ATF7IP2: variants seen among roughly 807,000 people sequenced by gnomAD.
The protein encoded by ATF7IP2 is activating transcription factor 7 interacting protein 2, also known as activating transcription factor 7-interacting protein 2.
In ATF7IP2, 42 loss-of-function variants were observed where a neutral mutation model predicts 64.2. The observed-to-expected ratio is 0.65, with a 90% CI of 0.51 to 0.85. The LOEUF is 0.85. ATF7IP2 is among the 40% of genes least tolerant of loss of function. ATF7IP2 has a pLI of 0.00. For synonymous variants in ATF7IP2, 308 were observed against 272.8 expected (o/e 1.13, Z -1.27); for missense variants, 933 against 784.2 (o/e 1.19, Z -2.27).
At chr16:10,471,955 T>G (rs1567174887) in intron 9 of ATF7IP2, 155 bp from the exon 10 acceptor site, 2 of 439,770 alleles carry the variant, frequency 4.5e-6, no homozygotes, top group Non-Finnish European at 8.1e-6. Flanking sequence ...GGAGTTTTTT[T>G]GGGTATTTGG....
intron 9 of ATF7IP2, among the ~76,000 whole-genome samples, chr16:10,467,912 T>C (rs377242343): frequency 6.8e-6 from 1 of 147,070 alleles, no homozygotes; most frequent in South Asian, 2.2e-4. Context: ...AGAGTTTTGC[T>C]CTTGTTGTCC....
At chr16:10,468,322 C>T (rs16957343) in intron 9 of ATF7IP2, among the ~76,000 whole-genome samples, 1 of 152,022 alleles carries the variant, frequency 6.6e-6, no homozygotes, top group Non-Finnish European at 1.5e-5. Flanking sequence ...GCATGGAAAA[C>T]TGTTGAGCAT....
At chr16:10,432,060 A>G (rs1361882231) in intron 5 of ATF7IP2, among the ~76,000 whole-genome samples, 1 of 145,926 alleles carries the variant, frequency 6.9e-6, no homozygotes, top group East Asian at 2.0e-4. Flanking sequence ...GCTGGTCTCG[A>G]ACTCCTGACC....
chr16:10,426,967 C>T (rs1282840981), intron 3 of ATF7IP2, among the ~76,000 whole-genome samples: 1 of 151,882 alleles, frequency 6.6e-6, no homozygotes, highest in Non-Finnish European at 1.5e-5. Context: ...ATTCTCTTAC[C>T]TTGTCCTCCC....
At chr16:10,458,479 A>C (rs1013304303) in intron 9 of ATF7IP2, among the ~76,000 whole-genome samples, 3 of 152,244 alleles carry the variant, frequency 2.0e-5, no homozygotes, top group African/African-American at 7.2e-5. Flanking sequence ...ATATGAACAA[A>C]TCTATCTCAT....
In ATF7IP2 at chr16:10,480,937, A is replaced by G; in HGVS notation, c.1608A>G (p.Thr536=). The G allele has an allele frequency of 6.2e-7, 1 of 1,612,428 alleles. No individual in the cohort carries two copies. The highest frequency in any genetic ancestry group is 8.5e-7 in the Non-Finnish European group (1 of 1,178,494). The part of the protein sequence containing the change: ...HSKAASNSKE[T]TPLAQNAVQV... ...AAGCTGCTTCAAACTCAAAGGAAAC[A>G]ACCCCATTGGCACAAAATGCAGTCC... Residue 536 remains threonine, a synonymous_variant, in exon 13 of 14, where the codon ACA becomes ACG. Transcript: ENST00000562102.
At chr16:10,392,777 C>G (rs1332395292) in intron 1 of ATF7IP2, among the ~76,000 whole-genome samples, 1 of 150,802 alleles carries the variant, frequency 6.6e-6, no homozygotes, top group East Asian at 2.0e-4. Context: ...TTTCTTGAGC[C>G]CAAGAGTTGA....
At chr16:10,463,950 T>C (rs2142035773) in intron 9 of ATF7IP2, among the ~76,000 whole-genome samples, 1 of 152,276 alleles carries the variant, frequency 6.6e-6, no homozygotes, top group African/African-American at 2.4e-5. Context: ...AGTTCTTGGC[T>C]CCTCAATACC....
chr16:10,481,278 T>C (rs565734037), intron 13 of ATF7IP2, among the ~76,000 whole-genome samples: 20 of 152,328 alleles, frequency 1.3e-4, no homozygotes, highest in Non-Finnish European at 2.6e-4. Context: ...TTGCCCAGGC[T>C]ATAGTGCGGT....
At chr16:10,480,293 A>G (rs2142110607) in intron 12 of ATF7IP2, among the ~76,000 whole-genome samples, 2 of 151,918 alleles carry the variant, frequency 1.3e-5, no homozygotes, top group Middle Eastern at 6.8e-3. Flanking sequence ...GTTGTTTTCA[A>G]TCCATTCTTT....
intron 1 of ATF7IP2, among the ~76,000 whole-genome samples, chr16:10,411,723 T>G (rs1407916880): frequency 2.0e-5 from 3 of 152,132 alleles, no homozygotes; most frequent in African/African-American, 7.2e-5. Flanking sequence ...TATTGGTCTT[T>G]CAGGGTATCT....
At chr16:10,404,339 G>A (rs1050924824) in intron 1 of ATF7IP2, among the ~76,000 whole-genome samples, 18 of 152,048 alleles carry the variant, frequency 1.2e-4, no homozygotes, top group African/African-American at 3.9e-4. Context: ...TGCACCTTCC[G>A]CCTCCCAGGT....
Position 10,439,829 on chromosome 16 carries a change from C to T in ATF7IP2, c.1096-535C>T, listed in dbSNP as rs550170111. ...AATTACAGGCGTGAGCCACTGCGCC[C>T]GGCCGAAGTTTGAGATTTTTATCTT... is the stretch of plus-strand genomic sequence containing the variant. On this transcript the variant is annotated intron_variant, in intron 7 of 13. Coordinates refer to ENST00000562102, the MANE Select transcript of ATF7IP2 (RefSeq NM_001393719.1). Among the ~76,000 whole-genome samples, 160 of 151,690 alleles carry T rather than the reference C, an allele frequency of 1.1e-3. 1 individual carries two copies. Among genetic ancestry groups the T allele is most frequent in the African/African-American group, 3.7e-3 (154 of 41,456 alleles).
At chr16:10,423,825 C>A (rs2048032822) in intron 3 of ATF7IP2, among the ~76,000 whole-genome samples, 1 of 152,144 alleles carries the variant, frequency 6.6e-6, no homozygotes, top group Admixed American at 6.5e-5. Context: ...CCCATTGTTA[C>A]CCTGATGCTT....
Position 10,473,475 on chromosome 16 carries a change from T to C in ATF7IP2, c.1427-4T>C. The stretch of plus-strand genomic sequence containing the variant: ...AAATTTGTCAAATGTCTAATTTCTT[T>C]CAGATACCAGAAAAATTACATCAGG... On this transcript the variant is annotated splice_region_variant and splice_polypyrimidine_tract_variant and intron_variant, in intron 10 of 13. Coordinates refer to ENST00000562102, the MANE Select transcript of ATF7IP2 (RefSeq NM_001393719.1). The C allele has an allele frequency of 1.3e-6, 2 of 1,547,244 alleles. No homozygotes were observed. The highest frequency in any genetic ancestry group is 1.8e-6 in the Non-Finnish European group (2 of 1,124,418).
At chr16:10,386,514 C>T (rs189011366) in intron 1 of ATF7IP2, 45 of 152,296 alleles carry the variant, frequency 3.0e-4, no homozygotes, top group African/African-American at 1.0e-3. Flanking sequence ...TCTCCACCTC[C>T]ACCAATTTTA....
chr16:10,440,929 G>A (rs1281394975), intron 8 of ATF7IP2, among the ~76,000 whole-genome samples: 1 of 152,114 alleles, frequency 6.6e-6, no homozygotes, highest in African/African-American at 2.4e-5. Context: ...AGGCCCTGGT[G>A]TGTGGTGTTC....
At position 10,457,491 on chromosome 16, in the gene ATF7IP2, T is replaced by G. The variant is rs143609619; in HGVS notation, c.1314T>G (p.Ile438Met). The change falls in exon 9 of 14, where the codon ATT becomes ATG. Residue 438 changes from isoleucine (I) to methionine (M), a missense_variant. Coordinates refer to ENST00000562102, the MANE Select transcript of ATF7IP2 (RefSeq NM_001393719.1). ...SNPSEKGSKK[I>M]NLSSDQNKSV... ...CTTCCGAAAAAGGAAGTAAAAAAAT[T>G]AATTTGTCATCAGATCAAAATAAGT... The G allele has an allele frequency of 1.3e-4, 209 of 1,596,536 alleles. No individual in the cohort carries two copies. Among genetic ancestry groups the G allele is most frequent in the Admixed American group, 2.7e-4 (15 of 55,772 alleles).
At chr16:10,432,783 CAGG>C (rs987672953) in intron 5 of ATF7IP2, among the ~76,000 whole-genome samples, 7 of 152,250 alleles carry the variant, frequency 4.6e-5, no homozygotes, top group African/African-American at 1.7e-4. Flanking sequence ...GAGACTGAGA[CAGG>C]AGAATTGCTT....
Sources: gnomAD v4.1 joint callset for allele counts (sites outside exome capture counted in the v4.1 genomes callset) on GRCh38, gnomAD v4.1.1 for gene constraint, MANE v1.5 for transcripts, NCBI Gene and HGNC (gene_info 2026-07-23, HGNC 2026-07-21) for gene names.